CYTH4: variants seen among roughly 807,000 people sequenced by gnomAD.
The protein encoded by CYTH4 is cytohesin 4.
Under a neutral mutation model 57.5 loss-of-function variants are expected in CYTH4, and 22 were observed. The ratio of observed to expected loss-of-function variants is 0.38; its 90% CI spans 0.27 to 0.55. The LOEUF (loss-of-function observed/expected upper bound fraction) is 0.55, where lower values mean the gene tolerates loss of function less well. Ranked by LOEUF, CYTH4 falls within the 20% of genes least tolerant of loss-of-function variation. CYTH4 has a pLI of 0.74. For synonymous variants in CYTH4, 186 were observed against 206.5 expected, an observed-to-expected ratio of 0.90 and a Z score of 0.85; for missense variants, 420 against 535.6, an observed-to-expected ratio of 0.78 and a Z score of 2.13.
In CYTH4 at chr22:37,313,829, T is replaced by C. The variant is rs1245528847; in HGVS notation, c.*318T>C. ...CCAGAATGCTGCAACTTCTCTTCTC[T>C]CTGGACTTCGGTGTCCTCGGCTCTG... On this transcript the variant is annotated 3_prime_UTR_variant, in exon 13 of 13. Transcript: ENST00000248901. The C allele has an allele frequency of 3.5e-5, 13 of 368,500 alleles. No individual in the cohort carries two copies. Among genetic ancestry groups the C allele is most frequent in the Non-Finnish European group, 6.0e-5 (12 of 201,140 alleles). 22.8% of individuals were successfully genotyped at this position (368,500 alleles called of 1,614,324 possible). A position where few individuals can be genotyped will look rare whatever the true frequency, so the allele number is the denominator to read the frequency against.
At position 37,290,499 on chromosome 22, in the gene CYTH4, GTTTGT is replaced by G. The variant is rs200952954; in HGVS notation, c.20-2102_20-2098del. Among the ~76,000 whole-genome samples the G allele has an allele frequency of 8.6e-3, 1,299 of 151,928 alleles. 16 individuals carry two copies. Among genetic ancestry groups the G allele is most frequent in the Non-Finnish European group, 0.012 (801 of 67,940 alleles). ...CAGGCAAGGGGTCTTGGGTTTTTTTGTTTGTTTTGTTTTGTTTTGTTTTGGAGACA... is the reference window on the plus strand; with the variant it reads ...CAGGCAAGGGGTCTTGGGTTTTTTTGTTTGTTTTGTTTTGTTTTGGAGACA... On this transcript the variant is annotated intron_variant, in intron 1 of 12. Coordinates refer to ENST00000248901, the MANE Select transcript of CYTH4 (RefSeq NM_013385.5).
intron 12 of CYTH4, among the ~76,000 whole-genome samples, chr22:37,312,756 A>G (rs1884842003): frequency 6.6e-6 from 1 of 152,228 alleles, no homozygotes; most frequent in Admixed American, 6.5e-5. Flanking sequence ...GAGGAAAGCC[A>G]AAGTGTAGGG....
chr22:37,285,056 C>T (rs897983646), intron 1 of CYTH4, among the ~76,000 whole-genome samples: 2 of 152,210 alleles, frequency 1.3e-5, no homozygotes, highest in Non-Finnish European at 2.9e-5. Context: ...GTCCCTCCTA[C>T]TGAGACTTTG....
At chr22:37,293,017 G>C (rs969582648) in intron 2 of CYTH4, among the ~76,000 whole-genome samples, 1 of 152,226 alleles carries the variant, frequency 6.6e-6, no homozygotes, top group Non-Finnish European at 1.5e-5. Flanking sequence ...CTTCAGCCAG[G>C]TCTCACCCCT....
At position 37,297,586 on chromosome 22, in the gene CYTH4, A is replaced by T. The variant is rs779559252; in HGVS notation, c.257A>T (p.His86Leu). 1.2e-6 allele frequency: 2 copies of T among 1,613,762 alleles called. No homozygotes were observed. Among genetic ancestry groups the T allele is most frequent in the African/African-American group, 2.7e-5 (2 of 74,902 alleles). The change falls in exon 5 of 13, where the codon CAC (histidine) becomes CTC (leucine). Residue 86 changes from histidine to leucine, a missense_variant. Transcript: ENST00000248901. ...PAKGIQYFIE[H>L]KLLTPDVQDI... The stretch of plus-strand genomic sequence containing the variant: ...CAGGGTATCCAGTATTTCATTGAGC[A>T]CAAGCTGCTGACCCCTGACGTCCAG...
chr22:37,289,176 C>A (rs960890537), intron 1 of CYTH4, among the ~76,000 whole-genome samples: 7 of 152,212 alleles, frequency 4.6e-5, no homozygotes, highest in Non-Finnish European at 2.9e-5. Flanking sequence ...GGACATTCCG[C>A]TCCCACGGGG....
intron 2 of CYTH4, 62 bp from the exon 3 acceptor site, chr22:37,294,597 CA>C: frequency 6.3e-7 from 1 of 1,596,772 alleles, no homozygotes; most frequent in Non-Finnish European, 8.6e-7. Context: ...CTTGTGGTCT[CA>C]AACCCCCGGG....
At position 37,299,246 on chromosome 22, in the gene CYTH4, T is replaced by G. The variant is rs1929091477; in HGVS notation, c.374T>G (p.Val125Gly). Residue 125 changes from valine to glycine, a missense_variant, in exon 6 of 13, where the codon GTC becomes GGC. Transcript: ENST00000248901. ...CCCAGGGATCCCATCAACCTGCAGGTCCTCCAGGCCTTCGTGGACTGCCAC... is the reference window on the plus strand; with the variant it reads ...CCCAGGGATCCCATCAACCTGCAGGGCCTCCAGGCCTTCGTGGACTGCCAC... ...LGERDPINLQ[V>G]LQAFVDCHEF... The G allele has an allele frequency of 6.2e-7, 1 of 1,611,844 alleles. No individual in the cohort carries two copies. The highest frequency in any genetic ancestry group is 1.7e-5 in the Admixed American group (1 of 59,920).
At chr22:37,282,765 A>T (rs977916013) in intron 1 of CYTH4, among the ~76,000 whole-genome samples, 177 bp downstream of exon 1, 2 of 152,328 alleles carry the variant, frequency 1.3e-5, no homozygotes, top group Non-Finnish European at 2.9e-5. Flanking sequence ...TAGGGGCTGG[A>T]CACACAGCAG....
chr22:37,306,189 G>C (rs1335574997), intron 8 of CYTH4, among the ~76,000 whole-genome samples: 2 of 152,228 alleles, frequency 1.3e-5, no homozygotes, highest in Admixed American at 6.5e-5. Context: ...GGCTGTGGGA[G>C]GGGGAGCTAG....
At chr22:37,282,699 A>G (rs762560133) in intron 1 of CYTH4, 111 bp downstream of exon 1, 7 of 974,798 alleles carry the variant, frequency 7.2e-6, no homozygotes, top group Non-Finnish European at 1.0e-5. Context: ...CAGGTGGGAA[A>G]TGCAGCTGCA....
chr22:37,296,231 G>A, intron 4 of CYTH4, 166 bp downstream of exon 4: 2 of 733,604 alleles, frequency 2.7e-6, no homozygotes, highest in East Asian at 2.7e-5. Context: ...AGCTGTGGCT[G>A]GGCGCCCTGT....
intron 1 of CYTH4, among the ~76,000 whole-genome samples, chr22:37,286,108 G>C (rs919114948): frequency 9.9e-6 from 1 of 100,930 alleles, no homozygotes; most frequent in Non-Finnish European, 2.1e-5. Flanking sequence ...GCAGGGGTTG[G>C]GTGGGGGCAA....
At chr22:37,294,078 A>G (rs1252184091) in intron 2 of CYTH4, among the ~76,000 whole-genome samples, 1 of 150,390 alleles carries the variant, frequency 6.6e-6, no homozygotes, top group Non-Finnish European at 1.5e-5. Flanking sequence ...GTAGGGAGCC[A>G]TGGGAGGGGT....
intron 1 of CYTH4, among the ~76,000 whole-genome samples, chr22:37,290,499 G>GTTTGTTTTGT (rs200952954): frequency 6.6e-6 from 1 of 151,818 alleles, no homozygotes; most frequent in African/African-American, 2.4e-5. Context: ...GGGTTTTTTT[G>GTTTGTTTTGT]TTTGTTTTGT....
chr22:37,303,939 G>A (rs1027618741), intron 8 of CYTH4, among the ~76,000 whole-genome samples: 11 of 152,328 alleles, frequency 7.2e-5, no homozygotes, highest in East Asian at 1.9e-4. Flanking sequence ...CAGCACAGGG[G>A]CCCCAGGGAT....
At chr22:37,286,200 T>C (rs1387666931) in intron 1 of CYTH4, among the ~76,000 whole-genome samples, 1 of 152,122 alleles carries the variant, frequency 6.6e-6, no homozygotes, top group Non-Finnish European at 1.5e-5. Flanking sequence ...CCGACGGGTG[T>C]TTGATGGTTC....
chr22:37,286,556 G>A (rs1455138360), intron 1 of CYTH4, among the ~76,000 whole-genome samples: 1 of 152,102 alleles, frequency 6.6e-6, no homozygotes, highest in Non-Finnish European at 1.5e-5. Flanking sequence ...GGGAAGGGGT[G>A]GGGGCAGGGA....
intron 8 of CYTH4, among the ~76,000 whole-genome samples, chr22:37,307,558 C>G (rs1437243404): frequency 6.6e-6 from 1 of 152,190 alleles, no homozygotes; most frequent in Non-Finnish European, 1.5e-5. Context: ...ACCCCTGACT[C>G]TGGACCCCTG....
Sources: allele counts gnomAD v4.1 joint callset (sites outside exome capture counted in the v4.1 genomes callset), GRCh38; gene constraint gnomAD v4.1.1; transcripts MANE v1.5; gene names NCBI Gene and HGNC (gene_info 2026-07-23, HGNC 2026-07-21).